Variants in PRR5L observed in about 807,000 individuals in gnomAD.
PRR5L encodes the protein proline rich 5 like, also known as proline-rich protein 5-like.
Under a neutral mutation model 36.4 loss-of-function variants are expected in PRR5L, and 21 were observed. That is an observed-to-expected ratio of 0.58 (90% confidence interval 0.41 to 0.83). The LOEUF (loss-of-function observed/expected upper bound fraction) is 0.83, where lower values mean the gene tolerates loss of function less well. Ranked by LOEUF, PRR5L falls within the 40% of genes least tolerant of loss-of-function variation. The pLI is 0.00. For synonymous variants in PRR5L, 188 were observed against 197.0 expected, an observed-to-expected ratio of 0.95 and a Z score of 0.38; for missense variants, 381 against 473.3, an observed-to-expected ratio of 0.80 and a Z score of 1.81.
chr11:36,446,204 G>A, intron 6 of PRR5L, 96 bp from the exon 7 acceptor site: 2 of 1,384,068 alleles, frequency 1.4e-6, no homozygotes, highest in Non-Finnish European at 2.0e-6. Context: ...CCCATCTTTG[G>A]TGCTATATAA....
chr11:36,364,605 G>A (rs1451573816), intron 1 of PRR5L, among the ~76,000 whole-genome samples: 1 of 152,166 alleles, frequency 6.6e-6, no homozygotes, highest in Non-Finnish European at 1.5e-5. Context: ...TTTACCTATT[G>A]CATTATTACA....
intron 6 of PRR5L, 119 bp downstream of exon 6, chr11:36,437,595 G>T: frequency 1.6e-6 from 1 of 633,848 alleles, no homozygotes; most frequent in South Asian, 1.9e-5. Flanking sequence ...CGCTTGTATT[G>T]GTTAAGGAGT....
At chr11:36,439,008 A>G (rs12270909) in intron 6 of PRR5L, among the ~76,000 whole-genome samples, 2,834 of 152,286 alleles carry the variant, frequency 0.019, 106 homozygotes, top group African/African-American at 0.065. Flanking sequence ...AATATTTGGG[A>G]CATATTTATA....
In PRR5L at chr11:36,376,739, C is replaced by T. The variant is rs377508741; in HGVS notation, c.-125-24258C>T. ...GGGTGGGGGGCGTCTCTGGGAGGGG[C>T]CGGAGTCATAGGCTCAGCAACCGCG... is the stretch of plus-strand genomic sequence containing the variant. On this transcript the variant is annotated intron_variant, in intron 1 of 8. Transcript: ENST00000530639. 7.1e-6 allele frequency: 7 copies of T among 983,986 alleles called. No homozygotes were observed. In the Admixed American group the frequency reaches 1.8e-4, roughly 26 times the overall value. The allele number at this position is 983,986 out of a possible 1,614,324, so 61.0% of individuals were successfully genotyped here.
chr11:36,412,533 G>A (rs1858047936), intron 3 of PRR5L, among the ~76,000 whole-genome samples: 1 of 152,152 alleles, frequency 6.6e-6, no homozygotes, highest in South Asian at 2.1e-4. Context: ...CCTCAAAGGA[G>A]CTTATGGCCT....
intron 4 of PRR5L, among the ~76,000 whole-genome samples, chr11:36,424,967 G>A (rs114580946): frequency 0.067 from 10,168 of 152,122 alleles, 339 homozygotes; most frequent in Non-Finnish European, 0.076. Context: ...GATTACAGGC[G>A]CACCCCACCA....
chr11:36,390,275 TCA>T (rs36066482), intron 1 of PRR5L, among the ~76,000 whole-genome samples: 1,563 of 152,092 alleles, frequency 0.01, 21 homozygotes, highest in African/African-American at 0.034. Flanking sequence ...GGGAAATATT[TCA>T]CATAGAGGCC....
Position 36,447,143 on chromosome 11 carries a change from C to T in PRR5L, c.585+703C>T, listed in dbSNP as rs75413084. 1.5e-4 allele frequency among the ~76,000 whole-genome samples: 23 copies of T among 152,324 alleles called. 1 individual carries two copies. In the East Asian group the frequency reaches 3.5e-3, roughly 23 times the overall value. ...CACATATTGGTCCTTGGCTATGTGC[C>T]GGGCACAGGCCAAGGACGTTAAGTG... On this transcript the variant is annotated intron_variant, in intron 7 of 8. Coordinates refer to ENST00000530639, the MANE Select transcript of PRR5L (RefSeq NM_001160167.2).
chr11:36,416,833 G>T (rs1858154909), intron 3 of PRR5L, among the ~76,000 whole-genome samples: 1 of 151,844 alleles, frequency 6.6e-6, no homozygotes, highest in African/African-American at 2.4e-5. Flanking sequence ...AGGAGGGGAG[G>T]AGATGTCTTG....
At chr11:36,385,379 A>G (rs1002063933) in intron 1 of PRR5L, among the ~76,000 whole-genome samples, 2 of 152,230 alleles carry the variant, frequency 1.3e-5, no homozygotes, top group African/African-American at 4.8e-5. Context: ...TTTAACTTGT[A>G]TCACAGAAGG....
chr11:36,325,410 A>G (rs1055399477), intron 1 of PRR5L, among the ~76,000 whole-genome samples: 3 of 152,250 alleles, frequency 2.0e-5, no homozygotes, highest in Non-Finnish European at 2.9e-5. Flanking sequence ...TCGAGCAGTA[A>G]CAAACATGGA....
intron 4 of PRR5L, among the ~76,000 whole-genome samples, chr11:36,429,946 A>T (rs1481518168): frequency 2.0e-5 from 3 of 152,156 alleles, no homozygotes; most frequent in South Asian, 2.1e-4. Context: ...CCCAGCTGGG[A>T]TTCATGAACT....
At chr11:36,382,250 C>G (rs922002403) in intron 1 of PRR5L, among the ~76,000 whole-genome samples, 4 of 152,180 alleles carry the variant, frequency 2.6e-5, no homozygotes, top group African/African-American at 9.7e-5. Context: ...TAACGGGCAT[C>G]ATGGAGATAA....
chr11:36,394,633 G>C (rs912995083), intron 1 of PRR5L, among the ~76,000 whole-genome samples: 1 of 152,050 alleles, frequency 6.6e-6, no homozygotes, highest in Admixed American at 6.6e-5. Context: ...CAGTTCCTGC[G>C]TCTGTCTCCA....
chr11:36,444,169 C>T (rs10742374), intron 6 of PRR5L, among the ~76,000 whole-genome samples: 100,942 of 152,026 alleles, frequency 0.66, 33,700 homozygotes, highest in Admixed American at 0.7. Flanking sequence ...TGTGTTCACA[C>T]AGTGGTAGAA....
At chr11:36,337,889 A>C (rs1856783825) in intron 1 of PRR5L, among the ~76,000 whole-genome samples, 1 of 152,260 alleles carries the variant, frequency 6.6e-6, no homozygotes, top group African/African-American at 2.4e-5. Flanking sequence ...GAAACAGTTC[A>C]GAGGTCAGAT....
intron 6 of PRR5L, among the ~76,000 whole-genome samples, chr11:36,438,916 C>T (rs1272740034): frequency 6.6e-6 from 1 of 152,130 alleles, no homozygotes; most frequent in African/African-American, 2.4e-5. Flanking sequence ...ACCTGGGTGA[C>T]AGAGCAAAAC....
At position 36,375,007 on chromosome 11, in the gene PRR5L, T is replaced by C. The variant is rs530464647; in HGVS notation, c.-125-25990T>C. ...CCCAGCTCTTTGGGAGGCCGAGACA[T>C]GTGGATCACTTGAGGTCAGGAGTTC... On this transcript the variant is annotated intron_variant, in intron 1 of 8. Transcript: ENST00000530639. Among the ~76,000 whole-genome samples, 122 of 152,164 alleles carry C rather than the reference T, an allele frequency of 8.0e-4. 1 individual carries two copies. Among genetic ancestry groups the C allele is most frequent in the African/African-American group, 2.9e-3 (119 of 41,518 alleles).
chr11:36,449,034 G>T (rs948323321), intron 7 of PRR5L, among the ~76,000 whole-genome samples: 2 of 152,178 alleles, frequency 1.3e-5, no homozygotes, highest in Non-Finnish European at 1.5e-5. Context: ...CCTCTCTCCT[G>T]CAGGGCATCT....
Sources: allele counts gnomAD v4.1 joint callset (sites outside exome capture counted in the v4.1 genomes callset), GRCh38; gene constraint gnomAD v4.1.1; transcripts MANE v1.5; gene names NCBI Gene and HGNC (gene_info 2026-07-23, HGNC 2026-07-21).